The following SLC22A23 variants were observed in gnomAD, a reference collection of about 807,000 sequenced individuals.
SLC22A23 encodes solute carrier family 22 member 23.
Under a neutral mutation model 61.0 loss-of-function variants are expected in SLC22A23, and 26 were observed. That is an observed-to-expected ratio of 0.43 (90% CI 0.31 to 0.59). SLC22A23 has a LOEUF of 0.59. Among genes scored for constraint, SLC22A23 ranks in the 20% least tolerant of loss-of-function variants. The pLI, the probability that SLC22A23 is intolerant of heterozygous loss-of-function variation, is 0.11. For synonymous variants in SLC22A23, 430 were observed against 413.9 expected, an observed-to-expected ratio of 1.04 and a Z score of -0.47; for missense variants, 796 against 934.7, an observed-to-expected ratio of 0.85 and a Z score of 1.94.
intron 4 of SLC22A23, among the ~76,000 whole-genome samples, chr6:3,319,102 C>T (rs1377314517): frequency 2.6e-5 from 4 of 152,310 alleles, no homozygotes; most frequent in Middle Eastern, 3.4e-3. Flanking sequence ...GAGCACAATC[C>T]GGGACACAGG....
intron 1 of SLC22A23, among the ~76,000 whole-genome samples, chr6:3,426,957 G>T (rs1355649119): frequency 6.6e-6 from 1 of 152,254 alleles, no homozygotes; most frequent in Non-Finnish European, 1.5e-5. Flanking sequence ...CTCTGAGGAA[G>T]GGCATCGCAT....
At chr6:3,402,456 T>C (rs76297795) in intron 3 of SLC22A23, among the ~76,000 whole-genome samples, 1,647 of 30,004 alleles carry the variant, frequency 0.055, 4 homozygotes, top group African/African-American at 0.096. Context: ...CACTAGGCTC[T>C]AGCTAAGCCC....
At chr6:3,296,732 G>A (rs1208665032) in intron 5 of SLC22A23, among the ~76,000 whole-genome samples, 3 of 152,106 alleles carry the variant, frequency 2.0e-5, no homozygotes, top group Non-Finnish European at 4.4e-5. Context: ...CACCCAGCAC[G>A]TGGTCCAGCC....
In SLC22A23 at chr6:3,273,379, C is replaced by T. The variant is rs141353043; in HGVS notation, c.1737G>A (p.Ala579=). The change falls in exon 10 of 10, where the codon GCG becomes GCA. Residue 579 remains alanine (A), a synonymous_variant. Transcript: ENST00000406686. ...TGGGTGCCGTCAGCATGCCGAAGCC[C>T]GCGCTGGCCAGCACCAGCCCCAGCC... ...CGGLGLVLAS[A]GFGMLTAPII... is the part of the protein sequence containing the mutation. The T allele has an allele frequency of 4.9e-3, 7,843 of 1,612,764 alleles. 25 individuals are homozygous for T. Among genetic ancestry groups the T allele is most frequent in the Non-Finnish European group, 5.9e-3 (6,910 of 1,179,846 alleles).
At chr6:3,435,420 G>C (rs1439141537) in intron 1 of SLC22A23, among the ~76,000 whole-genome samples, 1 of 151,282 alleles carries the variant, frequency 6.6e-6, no homozygotes, top group Admixed American at 6.6e-5. Flanking sequence ...CTATGATGGG[G>C]ACCCACACTC....
chr6:3,433,642 G>A (rs1407830074), intron 1 of SLC22A23, among the ~76,000 whole-genome samples: 1 of 152,142 alleles, frequency 6.6e-6, no homozygotes, highest in Non-Finnish European at 1.5e-5. Flanking sequence ...ATCACCACAG[G>A]CTGGAAACAA....
intron 3 of SLC22A23, among the ~76,000 whole-genome samples, chr6:3,348,948 G>A (rs539627909): frequency 6.6e-5 from 10 of 152,272 alleles, no homozygotes; most frequent in Admixed American, 1.3e-4. Flanking sequence ...TCTCTCCAGC[G>A]TTCATCACCA....
chr6:3,338,917 A>G (rs193114286), intron 3 of SLC22A23, among the ~76,000 whole-genome samples: 2 of 152,330 alleles, frequency 1.3e-5, no homozygotes, highest in East Asian at 3.9e-4. Context: ...CCAGATGGGG[A>G]ACATGGAGCA....
At chr6:3,316,914 G>A (rs1369324815) in intron 4 of SLC22A23, among the ~76,000 whole-genome samples, 1 of 152,136 alleles carries the variant, frequency 6.6e-6, no homozygotes, top group Non-Finnish European at 1.5e-5. Flanking sequence ...ATGCCCAGCT[G>A]CAAATTTTGT....
chr6:3,361,737 T>C (rs977992478), intron 3 of SLC22A23, among the ~76,000 whole-genome samples: 2 of 152,224 alleles, frequency 1.3e-5, no homozygotes, highest in African/African-American at 4.8e-5. Flanking sequence ...TACCCAGTTG[T>C]CTTTTTGCTG....
intron 1 of SLC22A23, among the ~76,000 whole-genome samples, chr6:3,445,426 C>T (rs1771845117): frequency 6.6e-6 from 1 of 152,232 alleles, no homozygotes. Flanking sequence ...CTCAAAACTC[C>T]TGACCTCAGG....
intron 1 of SLC22A23, among the ~76,000 whole-genome samples, chr6:3,446,029 G>A (rs9503598): frequency 0.39 from 59,416 of 152,046 alleles, 12,339 homozygotes; most frequent in South Asian, 0.63. Context: ...AGAAGACAGA[G>A]AGTAGAGAAA....
In SLC22A23 at chr6:3,317,262, G is replaced by C. The variant is rs745674532; in HGVS notation, c.1082+6572C>G. Among the ~76,000 whole-genome samples, 4 of 152,212 alleles carry C rather than the reference G, an allele frequency of 2.6e-5. No individual in the cohort carries two copies. Among genetic ancestry groups the C allele is most frequent in the Non-Finnish European group, 4.4e-5 (3 of 68,040 alleles). On this transcript the variant is annotated intron_variant, in intron 4 of 9. Coordinates refer to ENST00000406686, the MANE Select transcript of SLC22A23 (RefSeq NM_015482.2). This position sits in a 1 kb window ranked among gnomAD's most constrained non-coding sequence, Gnocchi z 4.4. ...ACCTCCAAACACAAGACCAGGCTGT[G>C]TCTTGCACAAGGGCTCCCAGCTGAG...
intron 2 of SLC22A23, among the ~76,000 whole-genome samples, chr6:3,411,432 T>A (rs1001478146): frequency 6.6e-6 from 1 of 151,960 alleles, no homozygotes; most frequent in East Asian, 1.9e-4. Context: ...AAAAGACAAA[T>A]ATACAGAAAC....
At chr6:3,362,903 A>G (rs9328163) in intron 3 of SLC22A23, among the ~76,000 whole-genome samples, 106,456 of 151,746 alleles carry the variant, frequency 0.7, 37,560 homozygotes, top group East Asian at 0.84. Context: ...TGCCATGACC[A>G]CCTCTTTGTT....
intron 3 of SLC22A23, among the ~76,000 whole-genome samples, chr6:3,334,467 T>C (rs971331229): frequency 9.2e-5 from 14 of 152,024 alleles, no homozygotes; most frequent in African/African-American, 2.9e-4. Context: ...AGCGTAGATG[T>C]TGGCTTTTTA....
intron 9 of SLC22A23, among the ~76,000 whole-genome samples, chr6:3,283,163 G>A (rs758761668): frequency 6.6e-6 from 1 of 152,180 alleles, no homozygotes; most frequent in Non-Finnish European, 1.5e-5. Flanking sequence ...CTGGCACGGT[G>A]GTTCACGCCT....
At chr6:3,345,707 C>G (rs1281990487) in intron 3 of SLC22A23, among the ~76,000 whole-genome samples, 1 of 152,014 alleles carries the variant, frequency 6.6e-6, no homozygotes, top group Non-Finnish European at 1.5e-5. Context: ...CTTCCCAGGA[C>G]AAGAGGATAA....
At position 3,390,101 on chromosome 6, in the gene SLC22A23, C is replaced by T. The variant is rs761454665; in HGVS notation, c.913+20087G>A. Among the ~76,000 whole-genome samples, 7 of 152,290 alleles carry T rather than the reference C, an allele frequency of 4.6e-5. No homozygotes were observed. The highest frequency in any genetic ancestry group is 2.6e-4 in the Admixed American group (4 of 15,304). ...CATCACTGGGCCAGTTGCCACCATC[C>T]GTCCGTGGGCTCATCCGGAACAGCA... On this transcript the variant is annotated intron_variant, in intron 3 of 9. Coordinates refer to ENST00000406686, the MANE Select transcript of SLC22A23 (RefSeq NM_015482.2). This position sits in a 1 kb window ranked among gnomAD's most constrained non-coding sequence, Gnocchi z 4.0.
Sources: gnomAD v4.1 joint callset for allele counts (sites outside exome capture counted in the v4.1 genomes callset) on GRCh38, gnomAD v4.1.1 for gene constraint, Gnocchi (gnomAD v3.1) non-coding constraint, MANE v1.5 for transcripts, NCBI Gene and HGNC (gene_info 2026-07-23, HGNC 2026-07-21) for gene names.